Variants in RASGRF1 observed in about 807,000 individuals in gnomAD.
The protein encoded by RASGRF1 is ras-specific guanine nucleotide-releasing factor 1.
In RASGRF1, 40 loss-of-function variants were observed where a neutral mutation model predicts 138.7. That is an observed-to-expected ratio of 0.29 (90% CI 0.22 to 0.38). The LOEUF is 0.38. Ranked by LOEUF, RASGRF1 falls within the 10% of genes least tolerant of loss-of-function variation. The pLI is 1.00. For synonymous variants in RASGRF1, 614 were observed against 663.2 expected (o/e 0.93, Z 1.14); for missense variants, 1,108 against 1,650.4 (o/e 0.67, Z 5.69).
In RASGRF1 at chr15:79,003,757, G is replaced by A. The variant is rs1254587273; in HGVS notation, c.2449+45C>T. ...TTGCTGGGCCAGGCTGAGCCTCAGT[G>A]GGGCTGGGAGGCTGGGGGGCAGCTC... On this transcript the variant is annotated intron_variant, in intron 15 of 26. Transcript: ENST00000558480. 5 of 1,541,390 alleles carry A rather than the reference G, an allele frequency of 3.2e-6. No homozygotes were observed. The African/African-American group carries it at 5.5e-5, about 17-fold the overall frequency.
chr15:78,961,860 T>C lies in RASGRF1; in HGVS notation c.*284A>G. ...CTAAGATTCTTGTATGCAAGGGTGCTGTTTCCCCTCTGAGAAGAGTGAGGA... is the reference window on the plus strand; with the variant it reads ...CTAAGATTCTTGTATGCAAGGGTGCCGTTTCCCCTCTGAGAAGAGTGAGGA... On this transcript the variant is annotated 3_prime_UTR_variant, in exon 27 of 27. Coordinates refer to ENST00000558480, the MANE Select transcript of RASGRF1 (RefSeq NM_001145648.3). 1 of 315,412 alleles carries C rather than the reference T, an allele frequency of 3.2e-6. No homozygotes were observed. The highest frequency in any genetic ancestry group is 5.9e-6 in the Non-Finnish European group (1 of 168,680). The allele number at this position is 315,412 out of a possible 1,614,324, so 19.5% of individuals were successfully genotyped here.
At chr15:78,965,255 G>A (rs576576144) in intron 26 of RASGRF1, among the ~76,000 whole-genome samples, 26 of 152,136 alleles carry the variant, frequency 1.7e-4, no homozygotes, top group African/African-American at 5.8e-4. Context: ...AGCATGATTC[G>A]GATGCACACG....
Position 78,973,232 on chromosome 15 carries a change from TG to T in RASGRF1, c.3612+70del. 2 of 1,284,368 alleles carry T rather than the reference TG, an allele frequency of 1.6e-6. No homozygotes were observed. The highest frequency in any genetic ancestry group is 1.4e-5 in the South Asian group (1 of 72,202). The allele number at this position is 1,284,368 out of a possible 1,614,324, so 79.6% of individuals were successfully genotyped here. Reference sequence around the variant, plus strand: ...AGGTTGGGCCTTGGGGGGCAGAGTGTGGGTGGGCCCCAGGTTGAGTCATCTG... The same window carrying T: ...AGGTTGGGCCTTGGGGGGCAGAGTGTGGTGGGCCCCAGGTTGAGTCATCTG... On this transcript the variant is annotated intron_variant, in intron 25 of 26. Coordinates refer to ENST00000558480, the MANE Select transcript of RASGRF1 (RefSeq NM_001145648.3). The surrounding 1 kb of genome is among the most constrained non-coding windows in gnomAD (Gnocchi z 4.9).
At chr15:79,031,277 G>A (rs1239717914) in intron 8 of RASGRF1, 123 bp downstream of exon 8, 5 of 761,360 alleles carry the variant, frequency 6.6e-6, no homozygotes, top group African/African-American at 5.2e-5. Context: ...GGCAAGCTGT[G>A]CCCCTCCCTT....
intron 2 of RASGRF1, among the ~76,000 whole-genome samples, chr15:79,061,701 A>T (rs969020794): frequency 1.3e-5 from 2 of 152,064 alleles, no homozygotes; most frequent in Non-Finnish European, 2.9e-5. Flanking sequence ...CTGGCTCTTC[A>T]CTCAGCAAAT....
intron 24 of RASGRF1, chr15:78,980,205 A>T (rs987200954): frequency 2.6e-5 from 4 of 155,116 alleles, no homozygotes; most frequent in African/African-American, 9.6e-5. Context: ...ATAAAATGCA[A>T]ACATTTTGAT....
intron 25 of RASGRF1, 117 bp from the exon 26 acceptor site, chr15:78,972,051 C>T (rs898154947): frequency 5.6e-6 from 5 of 892,442 alleles, no homozygotes; most frequent in South Asian, 2.7e-5. Context: ...TAATTCCATA[C>T]ATGTTGCCTC....
Position 79,050,591 on chromosome 15 carries a change from C to T in RASGRF1, c.532-1003G>A, listed in dbSNP as rs1651655626. 1.3e-5 allele frequency among the ~76,000 whole-genome samples: 2 copies of T among 152,194 alleles called. No homozygotes were observed. Among genetic ancestry groups the T allele is most frequent in the Admixed American group, 6.5e-5 (1 of 15,286 alleles). ...AAACTGCTGGCCTAGAAAAGTGGAG[C>T]AGCTCTTCAAATATCTAGCTGCTCT... On this transcript the variant is annotated intron_variant, in intron 3 of 26. Coordinates refer to ENST00000558480, the MANE Select transcript of RASGRF1 (RefSeq NM_001145648.3). The surrounding 1 kb of genome is among the most constrained non-coding windows in gnomAD (Gnocchi z 4.1).
chr15:79,084,196 A>C (rs904797173), intron 1 of RASGRF1, among the ~76,000 whole-genome samples: 1 of 152,238 alleles, frequency 6.6e-6, no homozygotes, highest in Non-Finnish European at 1.5e-5. Context: ...GGATTTGTCT[A>C]TAGTGACCCA....
chr15:79,024,261 C>T (rs2057012583), intron 10 of RASGRF1, among the ~76,000 whole-genome samples: 1 of 151,828 alleles, frequency 6.6e-6, no homozygotes. Flanking sequence ...CACACCTGTA[C>T]ACAGAAAGAC....
At chr15:79,081,279 G>A (rs937921990) in intron 1 of RASGRF1, among the ~76,000 whole-genome samples, 14 of 152,362 alleles carry the variant, frequency 9.2e-5, no homozygotes, top group African/African-American at 3.1e-4. Flanking sequence ...AGGCTTCAGT[G>A]GCTGAGTCAC....
chr15:78,965,168 C>T (rs182137420), intron 26 of RASGRF1, among the ~76,000 whole-genome samples: 1 of 152,288 alleles, frequency 6.6e-6, no homozygotes, highest in Non-Finnish European at 1.5e-5. Flanking sequence ...ACACTGTCAG[C>T]AGAGTAGGCT....
chr15:78,978,396 T>C lies in RASGRF1; in HGVS notation c.3494+2224A>G, dbSNP rs2055927868. The C allele has an allele frequency of 9.2e-6, 5 of 545,266 alleles. No individual in the cohort carries two copies. In the South Asian group the frequency reaches 4.0e-4, roughly 43 times the overall value. 33.8% of individuals were successfully genotyped at this position (545,266 alleles called of 1,614,324 possible). On this transcript the variant is annotated intron_variant, in intron 24 of 26. Coordinates refer to ENST00000558480, the MANE Select transcript of RASGRF1 (RefSeq NM_001145648.3). ...TGTGCCACCACGCCTGGCTAATTTT[T>C]GTATTTTCAGTAGAGACAGGGTTTT...
chr15:78,982,160 C>G (rs2056049187), intron 23 of RASGRF1, among the ~76,000 whole-genome samples: 1 of 152,142 alleles, frequency 6.6e-6, no homozygotes, highest in South Asian at 2.1e-4. Flanking sequence ...CAGGTGTTCC[C>G]TAAGGCAATA....
intron 6 of RASGRF1, among the ~76,000 whole-genome samples, chr15:79,033,953 A>C (rs2057182557): frequency 6.6e-6 from 1 of 152,216 alleles, no homozygotes; most frequent in African/African-American, 2.4e-5. Flanking sequence ...TCAACTTTAG[A>C]GGGTAGCTCA....
rs2141000726 is a variant in RASGRF1, at chr15:79,032,013, T to A, written c.1152+110A>T. 8.5e-7 allele frequency: 1 copy of A among 1,175,462 alleles called. No homozygotes were observed. Among genetic ancestry groups the A allele is most frequent in the Non-Finnish European group, 1.2e-6 (1 of 849,150 alleles). 72.8% of individuals were successfully genotyped at this position (1,175,462 alleles called of 1,614,324 possible). On this transcript the variant is annotated intron_variant, in intron 7 of 26. Transcript: ENST00000558480. The surrounding 1 kb of genome is among the most constrained non-coding windows in gnomAD (Gnocchi z 4.5). ...GGCCCTGACCACCTCCCCCGCCCCC[T>A]TTGGCAGCCCAGAGCTGGGGTGCGT...
rs1333115496 is a variant in RASGRF1, at chr15:78,998,080, C to G, written c.2966+16G>C. The G allele has an allele frequency of 6.2e-7, 1 of 1,602,854 alleles. No homozygotes were observed. Among genetic ancestry groups the G allele is most frequent in the East Asian group, 2.2e-5 (1 of 44,846 alleles). Reference sequence around the variant, plus strand: ...CAGCAGGCAGTTCTGAGCCAGGAACCAGGTACTGCCTTTACCTGATGATGT... The same window carrying G: ...CAGCAGGCAGTTCTGAGCCAGGAACGAGGTACTGCCTTTACCTGATGATGT... On this transcript the variant is annotated intron_variant, in intron 19 of 26. Transcript: ENST00000558480.
In RASGRF1 at chr15:79,006,431, G is replaced by T; in HGVS notation, c.1830C>A (p.Ser610=). The change falls in exon 14 of 27, where the codon TCC becomes TCA. Residue 610 remains serine (S), a synonymous_variant. Transcript: ENST00000558480. This position sits in a 1 kb window ranked among gnomAD's most constrained non-coding sequence, Gnocchi z 4.0. The part of the protein sequence containing the change: ...SKVTVPQMIK[S]DASLYCDDVD... Reference sequence around the variant, plus strand: ...CATCATCACAATATAAGGAGGCGTCGGACCTGAGAGGGGAGGAAGGATGCA... The same window carrying T: ...CATCATCACAATATAAGGAGGCGTCTGACCTGAGAGGGGAGGAAGGATGCA... 6.2e-7 allele frequency: 1 copy of T among 1,609,716 alleles called. No homozygotes were observed.
rs1179565497 is a variant in RASGRF1, at chr15:79,032,379, C to A, written c.959-63G>T. On this transcript the variant is annotated intron_variant, in intron 6 of 26. Coordinates refer to ENST00000558480, the MANE Select transcript of RASGRF1 (RefSeq NM_001145648.3). This position sits in a 1 kb window ranked among gnomAD's most constrained non-coding sequence, Gnocchi z 4.5. ...CTTGGTGGGGACAGAATCCCCTAGG[C>A]CCTTGGCTCCCCCAGCTACACCCAG... The A allele has an allele frequency of 2.7e-6, 4 of 1,498,590 alleles. No homozygotes were observed. Among genetic ancestry groups the A allele is most frequent in the African/African-American group, 2.8e-5 (2 of 72,668 alleles). 92.8% of individuals were successfully genotyped at this position (1,498,590 alleles called of 1,614,324 possible).
Sources: allele counts gnomAD v4.1 joint callset (sites outside exome capture counted in the v4.1 genomes callset), GRCh38; gene constraint gnomAD v4.1.1; non-coding constraint Gnocchi (gnomAD v3.1); transcripts MANE v1.5; gene names NCBI Gene and HGNC (gene_info 2026-07-23, HGNC 2026-07-21).